Variants in CFAP54 observed in about 807,000 individuals in gnomAD.
CFAP54 encodes the protein cilia- and flagella-associated protein 54.
A neutral mutation model predicts 370.4 loss-of-function variants in CFAP54; 290 were observed. The ratio of observed to expected loss-of-function variants is 0.78; its 90% CI spans 0.71 to 0.86. CFAP54 has a LOEUF of 0.86. Among genes scored for constraint, CFAP54 ranks in the 40% least tolerant of loss-of-function variants. CFAP54 has a pLI of 0.00. For synonymous variants in CFAP54, 1,206 were observed against 1,236.5 expected (o/e 0.98, Z 0.52); for missense variants, 3,399 against 3,528.7 (o/e 0.96, Z 0.93).
intron 17 of CFAP54, among the ~76,000 whole-genome samples, chr12:96,556,302 A>T (rs773373544): frequency 5.3e-5 from 8 of 151,898 alleles, no homozygotes; most frequent in Non-Finnish European, 1.2e-4. Context: ...ATCATCAAAA[A>T]ATTTTAAAGA....
intron 3 of CFAP54, among the ~76,000 whole-genome samples, chr12:96,504,721 G>A (rs552665219): frequency 2.0e-5 from 3 of 152,276 alleles, no homozygotes; most frequent in Non-Finnish European, 2.9e-5. Flanking sequence ...TTTGGGACCC[G>A]TATGTGGTTA....
At position 96,641,940 on chromosome 12, in the gene CFAP54, G is replaced by T. The variant is rs181752363; in HGVS notation, c.4317-2238G>T. ...CCGGGGCCTGTTGTGGGGTGGTGCG[G>T]GGGGGGAGGGATAGCATTAGGAGAT... is the stretch of plus-strand genomic sequence containing the variant. On this transcript the variant is annotated intron_variant, in intron 32 of 67. Transcript: ENST00000524981. 4.6e-3 allele frequency among the ~76,000 whole-genome samples: 666 copies of T among 145,020 alleles called. 5 individuals are homozygous for T. Among genetic ancestry groups the T allele is most frequent in the African/African-American group, 0.015 (618 of 40,244 alleles).
chr12:96,814,662 C>A (rs1241904497), intron 64 of CFAP54, among the ~76,000 whole-genome samples: 1 of 152,144 alleles, frequency 6.6e-6, no homozygotes, highest in Non-Finnish European at 1.5e-5. Context: ...AGGTTTTAAG[C>A]CCCACATGTA....
At chr12:96,525,923 T>G (rs1395468176) in intron 8 of CFAP54, among the ~76,000 whole-genome samples, 1 of 152,186 alleles carries the variant, frequency 6.6e-6, no homozygotes, top group Non-Finnish European at 1.5e-5. Context: ...ACTCCTGACC[T>G]TGTGATCCAC....
intron 55 of CFAP54, among the ~76,000 whole-genome samples, chr12:96,745,474 G>T (rs141550168): frequency 6.6e-6 from 1 of 151,934 alleles, no homozygotes; most frequent in Non-Finnish European, 1.5e-5. Flanking sequence ...CTGGCTGCAT[G>T]CATGTCTTTT....
chr12:96,623,930 A>C (rs1956526465), intron 28 of CFAP54, 49 bp downstream of exon 28: 7 of 1,177,226 alleles, frequency 5.9e-6, no homozygotes, highest in Non-Finnish European at 8.5e-6. Context: ...AGTTTTTTAA[A>C]ACGAGAAACT....
At chr12:96,829,789 G>A (rs988397584) in intron 66 of CFAP54, among the ~76,000 whole-genome samples, 1 of 151,934 alleles carries the variant, frequency 6.6e-6, no homozygotes, top group Non-Finnish European at 1.5e-5. Context: ...ACAATGTTGT[G>A]CAACCGTCAC....
chr12:96,718,928 C>T (rs953458759), intron 49 of CFAP54, among the ~76,000 whole-genome samples: 6 of 152,108 alleles, frequency 3.9e-5, no homozygotes, highest in Non-Finnish European at 8.8e-5. Context: ...ATTCTAGCTA[C>T]TCAGGAGGCT....
intron 34 of CFAP54, among the ~76,000 whole-genome samples, chr12:96,649,519 C>T (rs1002111766): frequency 1.3e-5 from 2 of 152,114 alleles, no homozygotes; most frequent in Non-Finnish European, 2.9e-5. Flanking sequence ...AGGTGCAGCT[C>T]ACTTTCTGAT....
At chr12:96,720,177 A>G (rs1023184602) in intron 49 of CFAP54, among the ~76,000 whole-genome samples, 1 of 152,218 alleles carries the variant, frequency 6.6e-6, no homozygotes, top group Admixed American at 6.5e-5. Context: ...TGCACACAAG[A>G]AAAGGTCACT....
chr12:96,637,116 A>C (rs1306650813), intron 32 of CFAP54, among the ~76,000 whole-genome samples: 1 of 152,218 alleles, frequency 6.6e-6, no homozygotes, highest in Non-Finnish European at 1.5e-5. Flanking sequence ...AGATTTGCCT[A>C]TTCCGGCTGT....
At chr12:96,776,806 A>G (rs1228618000) in intron 60 of CFAP54, among the ~76,000 whole-genome samples, 2 of 152,236 alleles carry the variant, frequency 1.3e-5, no homozygotes, top group Admixed American at 6.5e-5. Context: ...ATTTTGTAAC[A>G]TTGTATATTA....
chr12:96,783,604 A>G (rs538227548), intron 60 of CFAP54, among the ~76,000 whole-genome samples: 95 of 152,342 alleles, frequency 6.2e-4, no homozygotes, highest in African/African-American at 2.3e-3. Context: ...GAAAAGTAAG[A>G]GGTCGGGCGC....
Position 96,647,863 on chromosome 12 carries a change from C to A in CFAP54, c.4548-12C>A. On this transcript the variant is annotated splice_polypyrimidine_tract_variant and intron_variant, in intron 33 of 67. Coordinates refer to ENST00000524981, the MANE Select transcript of CFAP54 (RefSeq NM_001306084.2). Reference sequence around the variant, plus strand: ...TATATTGTTTTTTAATATGATTTTTCCCCCCTTGCAGTTTCCGATCATGTG... The same window carrying A: ...TATATTGTTTTTTAATATGATTTTTACCCCCTTGCAGTTTCCGATCATGTG... 6.7e-7 allele frequency: 1 copy of A among 1,483,130 alleles called. No homozygotes were observed. The highest frequency in any genetic ancestry group is 2.6e-5 in the East Asian group (1 of 38,028). 91.9% of individuals were successfully genotyped at this position (1,483,130 alleles called of 1,614,324 possible). A position where few individuals can be genotyped will look rare whatever the true frequency, so the allele number is the denominator to read the frequency against.
intron 66 of CFAP54, among the ~76,000 whole-genome samples, chr12:96,837,663 T>A (rs1229359681): frequency 1.3e-5 from 2 of 152,224 alleles, no homozygotes; most frequent in Non-Finnish European, 2.9e-5. Flanking sequence ...TCATGATACA[T>A]CTTCTAGAGA....
intron 60 of CFAP54, among the ~76,000 whole-genome samples, chr12:96,769,475 A>G (rs1422673300): frequency 6.6e-6 from 1 of 152,192 alleles, no homozygotes; most frequent in Non-Finnish European, 1.5e-5. Context: ...GGCTGTAGGT[A>G]TGTGAAATAT....
At position 96,647,979 on chromosome 12, in the gene CFAP54, T is replaced by G. The variant is rs1956816489; in HGVS notation, c.4652T>G (p.Leu1551Arg). ...VENYKAMLDF[L>R]LTAKKRKANL... The stretch of plus-strand genomic sequence containing the variant: ...AATTATAAAGCAATGCTTGATTTCC[T>G]TCTTACAGCCAAAAAAAGAAAGGCC... Residue 1551 changes from leucine to arginine, a missense_variant, in exon 34 of 68, where the codon CTT becomes CGT. Physicochemically the swap from Leu to Arg is moderately radical, Grantham distance 102. Coordinates refer to ENST00000524981, the MANE Select transcript of CFAP54 (RefSeq NM_001306084.2). The G allele has an allele frequency of 2.6e-6, 4 of 1,515,720 alleles. No homozygotes were observed. The Middle Eastern group carries it at 5.1e-4, about 192-fold the overall frequency. The allele number at this position is 1,515,720 out of a possible 1,614,324, so 93.9% of individuals were successfully genotyped here.
intron 60 of CFAP54, among the ~76,000 whole-genome samples, chr12:96,771,711 G>A (rs1958465020): frequency 6.6e-6 from 1 of 152,098 alleles, no homozygotes; most frequent in South Asian, 2.1e-4. Flanking sequence ...AGGTTGTAAG[G>A]TTGTAATTCA....
intron 60 of CFAP54, among the ~76,000 whole-genome samples, chr12:96,780,118 C>A (rs1958566642): frequency 1.3e-5 from 2 of 151,960 alleles, no homozygotes; most frequent in African/African-American, 2.4e-5. Flanking sequence ...TTGCAAATAT[C>A]TTTTCCCATT....
Sources: allele counts gnomAD v4.1 joint callset (sites outside exome capture counted in the v4.1 genomes callset), GRCh38; gene constraint gnomAD v4.1.1; transcripts MANE v1.5; gene names NCBI Gene and HGNC (gene_info 2026-07-23, HGNC 2026-07-21).